ADGRV1: variants seen among roughly 807,000 people sequenced by gnomAD.
The protein encoded by ADGRV1 is adhesion G protein-coupled receptor V1, also known as G-protein coupled receptor 98.
ADGRV1 carries 359 observed loss-of-function variants against 596.2 expected under a neutral mutation model. The observed-to-expected ratio is 0.60, with a 90% confidence interval of 0.55 to 0.66. ADGRV1 has a LOEUF of 0.66. ADGRV1 is among the 30% of genes least tolerant of loss of function. ADGRV1 has a pLI of 0.00. For missense variants in ADGRV1, 7,274 were observed against 7,575.6 expected (o/e 0.96, Z 1.48); for synonymous variants, 2,681 against 2,679.2 (o/e 1.00, Z -0.02).
chr5:90,752,048 A>T lies in ADGRV1; in HGVS notation c.11121+1351A>T, dbSNP rs546109278. Among the ~76,000 whole-genome samples, 920 of 152,256 alleles carry T rather than the reference A, an allele frequency of 6.0e-3. 6 individuals are homozygous for T. Among genetic ancestry groups the T allele is most frequent in the African/African-American group, 0.021 (887 of 41,562 alleles). On this transcript the variant is annotated intron_variant, in intron 53 of 89. Transcript: ENST00000405460. The stretch of plus-strand genomic sequence containing the variant: ...GGGAGCTAGTATATCTTTTTTCTGT[A>T]AAGGGCCAGATAGTAAATATTTTAG...
At chr5:90,991,466 G>T (rs751012450) in intron 85 of ADGRV1, among the ~76,000 whole-genome samples, 7 of 151,970 alleles carry the variant, frequency 4.6e-5, no homozygotes, top group South Asian at 2.1e-4. Context: ...TCTTTAATTT[G>T]TAGAGACAAG....
chr5:91,069,029 C>G (rs1788140562), intron 85 of ADGRV1, among the ~76,000 whole-genome samples: 1 of 152,086 alleles, frequency 6.6e-6, no homozygotes, highest in Non-Finnish European at 1.5e-5. Flanking sequence ...CTGACAAGAA[C>G]AAATGACAGG....
intron 1 of ADGRV1, among the ~76,000 whole-genome samples, chr5:90,596,064 C>A (rs1760493089): frequency 6.6e-6 from 1 of 150,702 alleles, no homozygotes; most frequent in Admixed American, 6.6e-5. Context: ...GGTCTCCTCA[C>A]TTCTCAGACG....
chr5:91,143,818 G>A (rs1795306917), intron 87 of ADGRV1, among the ~76,000 whole-genome samples: 1 of 152,192 alleles, frequency 6.6e-6, no homozygotes, highest in South Asian at 2.1e-4. Flanking sequence ...TGATGCCCAG[G>A]CCATTCATAT....
At chr5:90,862,355 CT>C (rs1767681195) in intron 82 of ADGRV1, among the ~76,000 whole-genome samples, 1 of 28,106 alleles carries the variant, frequency 3.6e-5, no homozygotes, top group Admixed American at 5.6e-4. Flanking sequence ...CAGTATATTA[CT>C]CACACACACA....
chr5:90,732,341 A>G (rs1374657562), intron 50 of ADGRV1, among the ~76,000 whole-genome samples: 1 of 152,080 alleles, frequency 6.6e-6, no homozygotes, highest in African/African-American at 2.4e-5. Context: ...TTAAGGCTTG[A>G]TTGACAAACA....
intron 1 of ADGRV1, among the ~76,000 whole-genome samples, chr5:90,562,636 G>A (rs1050372131): frequency 1.4e-4 from 21 of 152,158 alleles, no homozygotes; most frequent in African/African-American, 5.1e-4. Flanking sequence ...CTCAAAGCCA[G>A]GGCAAGATGC....
At chr5:90,580,870 C>G (rs1291637995) in intron 1 of ADGRV1, among the ~76,000 whole-genome samples, 2 of 151,928 alleles carry the variant, frequency 1.3e-5, no homozygotes, top group African/African-American at 4.8e-5. Context: ...TCCATTCTCC[C>G]TGTCACTTTC....
At chr5:90,569,238 C>G (rs1298553977) in intron 1 of ADGRV1, among the ~76,000 whole-genome samples, 3 of 151,220 alleles carry the variant, frequency 2.0e-5, no homozygotes, top group Non-Finnish European at 2.9e-5. Context: ...AAGGTCCTAC[C>G]TCTCAACACC....
intron 85 of ADGRV1, among the ~76,000 whole-genome samples, chr5:91,069,048 T>G (rs757067141): frequency 7.2e-5 from 11 of 152,122 alleles, no homozygotes; most frequent in Non-Finnish European, 1.2e-4. Context: ...GGGAAAGGAC[T>G]CTCTATTCAA....
Position 90,629,527 on chromosome 5 carries a change from C to T in ADGRV1, c.1827C>T (p.His609=), listed in dbSNP as rs370708418. Residue 609 remains histidine, a synonymous_variant, in exon 9 of 90, where the codon CAC becomes CAT. Coordinates refer to ENST00000405460, the MANE Select transcript of ADGRV1 (RefSeq NM_032119.4). ...ATGCATTCCTTCAAAATGGAGCTCA[C>T]TTTCTAGTACAGGTACTTGTATGAT... is the stretch of plus-strand genomic sequence containing the variant. The part of the protein sequence containing the change: ...RNDAFLQNGA[H]FLVQLETVEL... 3.7e-6 allele frequency: 6 copies of T among 1,607,046 alleles called. No individual in the cohort carries two copies. The highest frequency in any genetic ancestry group is 3.4e-5 in the Admixed American group (2 of 59,446).
At chr5:90,564,755 T>C (rs1241583514) in intron 1 of ADGRV1, among the ~76,000 whole-genome samples, 2 of 88,120 alleles carry the variant, frequency 2.3e-5, no homozygotes, top group Non-Finnish European at 4.5e-5. Flanking sequence ...GCCTCCCGAG[T>C]AGCTGGGACT....
chr5:90,684,859 C>A (rs981239468), intron 28 of ADGRV1, among the ~76,000 whole-genome samples: 1 of 152,010 alleles, frequency 6.6e-6, no homozygotes, highest in African/African-American at 2.4e-5. Context: ...AAGAATGGGC[C>A]GTGCAGAACA....
intron 85 of ADGRV1, among the ~76,000 whole-genome samples, chr5:91,044,353 G>A (rs1156309096): frequency 6.6e-6 from 1 of 152,084 alleles, no homozygotes; most frequent in Non-Finnish European, 1.5e-5. Context: ...GAAAAAAATA[G>A]TACAAGTTTA....
Position 90,637,934 on chromosome 5 carries a change from A to C in ADGRV1, c.2226A>C (p.Thr742=). Residue 742 remains threonine (T), a synonymous_variant, in exon 11 of 90, where the codon ACA becomes ACC. Coordinates refer to ENST00000405460, the MANE Select transcript of ADGRV1 (RefSeq NM_032119.4). The part of the protein sequence containing the change: ...DDIPEMNETV[T]LSLDRVNVEN... Reference sequence around the variant, plus strand: ...TACCGGAAATGAATGAAACTGTAACACTTTCTCTAGACAGGTAATAACCCA... The same window carrying C: ...TACCGGAAATGAATGAAACTGTAACCCTTTCTCTAGACAGGTAATAACCCA... The C allele has an allele frequency of 6.2e-7, 1 of 1,611,512 alleles. No homozygotes were observed. Among genetic ancestry groups the C allele is most frequent in the Non-Finnish European group, 8.5e-7 (1 of 1,177,992 alleles).
chr5:90,958,336 A>C (rs1011422550), intron 83 of ADGRV1, among the ~76,000 whole-genome samples: 10 of 151,786 alleles, frequency 6.6e-5, no homozygotes, highest in African/African-American at 2.4e-4. Context: ...AAGAAAAAGA[A>C]ATATTTTGGA....
intron 75 of ADGRV1, among the ~76,000 whole-genome samples, chr5:90,819,813 G>T (rs1173340348): frequency 6.6e-6 from 1 of 152,106 alleles, no homozygotes; most frequent in Non-Finnish European, 1.5e-5. Flanking sequence ...TTTTACATTT[G>T]CTGAGGAGAG....
intron 70 of ADGRV1, among the ~76,000 whole-genome samples, chr5:90,793,790 CA>C (rs1760348183): frequency 6.6e-6 from 1 of 152,144 alleles, no homozygotes; most frequent in Non-Finnish European, 1.5e-5. Flanking sequence ...TAAAGAGTGA[CA>C]AAAGTTTACT....
intron 87 of ADGRV1, among the ~76,000 whole-genome samples, chr5:91,116,846 T>C (rs1792890676): frequency 6.6e-6 from 1 of 152,072 alleles, no homozygotes; most frequent in South Asian, 2.1e-4. Flanking sequence ...CTACCCTAGG[T>C]GGATAATATT....
Sources: gnomAD v4.1 joint callset for allele counts (sites outside exome capture counted in the v4.1 genomes callset) on GRCh38, gnomAD v4.1.1 for gene constraint, MANE v1.5 for transcripts, NCBI Gene and HGNC (gene_info 2026-07-23, HGNC 2026-07-21) for gene names.